Variants in GALNT14 observed in about 807,000 individuals in gnomAD.
GALNT14 encodes polypeptide N-acetylgalactosaminyltransferase 14, also known as UDP-GalNAc:polypeptide N-acetylgalactosaminyltransferase 14.
Under a neutral mutation model 77.5 loss-of-function variants are expected in GALNT14, and 60 were observed. The observed-to-expected ratio is 0.77, with a 90% CI of 0.63 to 0.96. The LOEUF (loss-of-function observed/expected upper bound fraction) is 0.96, where lower values mean the gene tolerates loss of function less well. Among genes scored for constraint, GALNT14 ranks in the 40% least tolerant of loss-of-function variants. The pLI, the probability that GALNT14 is intolerant of heterozygous loss-of-function variation, is 0.00. For missense variants in GALNT14, 710 were observed against 731.0 expected, an observed-to-expected ratio of 0.97 and a Z score of 0.33; for synonymous variants, 280 against 281.7, an observed-to-expected ratio of 0.99 and a Z score of 0.06.
intron 2 of GALNT14, among the ~76,000 whole-genome samples, chr2:30,975,592 T>C (rs1294926204): frequency 6.6e-6 from 1 of 152,246 alleles, no homozygotes; most frequent in Non-Finnish European, 1.5e-5. Context: ...TCACTTCTTT[T>C]ACCTTTTTTA....
chr2:31,049,565 T>C (rs757314674), intron 1 of GALNT14, among the ~76,000 whole-genome samples: 3 of 152,150 alleles, frequency 2.0e-5, no homozygotes, highest in Non-Finnish European at 4.4e-5. Flanking sequence ...AGACTCATCA[T>C]GTGTGTGGCA....
the GALNT14 span, among the ~76,000 whole-genome samples, chr2:30,892,756 A>G: frequency 3.9e-5 from 6 of 152,222 alleles, no homozygotes; most frequent in Non-Finnish European, 7.3e-5. Context: ...TGTACAAACA[A>G]TGCTGATATC....
At chr2:31,050,064 C>A (rs1360226631) in intron 1 of GALNT14, among the ~76,000 whole-genome samples, 1 of 152,058 alleles carries the variant, frequency 6.6e-6, no homozygotes, top group African/African-American at 2.4e-5. Context: ...TATACCATGT[C>A]CTGGCCACTC....
intron 1 of GALNT14, among the ~76,000 whole-genome samples, chr2:31,044,157 C>CAG (rs1252255560): frequency 1.3e-5 from 2 of 152,196 alleles, no homozygotes. Flanking sequence ...TTTAAAGCCA[C>CAG]AGGTTGTTAT....
At chr2:30,922,370 A>G (rs1328455043) in intron 13 of GALNT14, among the ~76,000 whole-genome samples, 2 of 152,222 alleles carry the variant, frequency 1.3e-5, no homozygotes, top group Non-Finnish European at 2.9e-5. Flanking sequence ...CTGAGATCTC[A>G]TAGCATCCTG....
intron 1 of GALNT14, among the ~76,000 whole-genome samples, chr2:31,086,253 T>C (rs73921455): frequency 2.0e-4 from 31 of 152,306 alleles, no homozygotes; most frequent in African/African-American, 7.2e-4. Context: ...AGCACTCAAC[T>C]TGCGGCTACC....
chr2:31,021,088 G>A (rs530480542), intron 1 of GALNT14, among the ~76,000 whole-genome samples: 2 of 152,128 alleles, frequency 1.3e-5, no homozygotes, highest in South Asian at 2.1e-4. Flanking sequence ...TGCCCATCTC[G>A]GAGCCAAGAG....
intron 1 of GALNT14, among the ~76,000 whole-genome samples, chr2:31,006,089 C>T (rs1286909862): frequency 1.3e-5 from 2 of 152,148 alleles, no homozygotes; most frequent in African/African-American, 2.4e-5. Flanking sequence ...AACTTAGTCC[C>T]GAAGGGACTT....
chr2:30,948,614 G>A (rs955295870), intron 6 of GALNT14, among the ~76,000 whole-genome samples: 3 of 152,168 alleles, frequency 2.0e-5, no homozygotes, highest in African/African-American at 7.2e-5. Flanking sequence ...AAAAGTAAGT[G>A]GTATCTGTAC....
At chr2:31,022,888 G>A (rs1360668713) in intron 1 of GALNT14, among the ~76,000 whole-genome samples, 3 of 152,192 alleles carry the variant, frequency 2.0e-5, no homozygotes, top group Non-Finnish European at 4.4e-5. Flanking sequence ...GCCTATGGGT[G>A]CCCTGCCAGG....
chr2:30,915,434 C>G (rs1378147782), intron 13 of GALNT14, among the ~76,000 whole-genome samples: 1 of 152,158 alleles, frequency 6.6e-6, no homozygotes, highest in Non-Finnish European at 1.5e-5. Flanking sequence ...ATAACTTAGC[C>G]TCGTCATGTC....
intron 4 of GALNT14, among the ~76,000 whole-genome samples, chr2:30,956,455 G>A (rs989371792): frequency 6.6e-6 from 1 of 152,154 alleles, no homozygotes; most frequent in Non-Finnish European, 1.5e-5. Flanking sequence ...ATGGAGAATG[G>A]AGTATCCATC....
intron 1 of GALNT14, among the ~76,000 whole-genome samples, chr2:31,010,735 C>A (rs571831004): frequency 6.6e-6 from 1 of 152,336 alleles, no homozygotes; most frequent in South Asian, 2.1e-4. Context: ...CTGATCAGAA[C>A]CTGCAAACTC....
At chr2:30,904,702 G>C in the GALNT14 span, among the ~76,000 whole-genome samples, 1 of 152,256 alleles carries the variant, frequency 6.6e-6, no homozygotes, top group Admixed American at 6.5e-5. Flanking sequence ...ACTGGGCGGA[G>C]CCCACCACAG....
chr2:31,061,296 C>T (rs1298774778), intron 1 of GALNT14, among the ~76,000 whole-genome samples: 2 of 152,134 alleles, frequency 1.3e-5, no homozygotes, highest in African/African-American at 4.8e-5. Flanking sequence ...AGAAATATGG[C>T]CTCTTCCTTA....
intron 1 of GALNT14, among the ~76,000 whole-genome samples, chr2:31,014,255 C>T (rs1442085822): frequency 6.6e-6 from 1 of 152,182 alleles, no homozygotes; most frequent in East Asian, 1.9e-4. Flanking sequence ...GTGAACATCT[C>T]CCTTCCCCCT....
intron 1 of GALNT14, among the ~76,000 whole-genome samples, chr2:31,130,792 A>ACCTGTGTGTGTG (rs1678956969): frequency 1.3e-5 from 1 of 76,848 alleles, no homozygotes; most frequent in Admixed American, 1.2e-4. Context: ...GTGCGCGCGC[A>ACCTGTGTGTGTG]CCTGTGTGTG....
At chr2:30,993,821 G>A (rs1350266458) in intron 1 of GALNT14, among the ~76,000 whole-genome samples, 1 of 152,182 alleles carries the variant, frequency 6.6e-6, no homozygotes, top group African/African-American at 2.4e-5. Flanking sequence ...AGAGCTCAAA[G>A]CAGAGCTCAG....
chr2:30,887,930 A>C, the GALNT14 span, among the ~76,000 whole-genome samples: 1 of 152,184 alleles, frequency 6.6e-6, no homozygotes, highest in African/African-American at 2.4e-5. Context: ...TCCTGCTCCC[A>C]TGCCTACCTC....
Sources: allele counts gnomAD v4.1 joint callset (sites outside exome capture counted in the v4.1 genomes callset), GRCh38; gene constraint gnomAD v4.1.1; transcripts MANE v1.5; gene names NCBI Gene and HGNC (gene_info 2026-07-23, HGNC 2026-07-21).